Variants in TRPC1 observed in about 807,000 individuals in gnomAD.
TRPC1 encodes the protein transient receptor potential cation channel subfamily C member 1.
In TRPC1, 42 loss-of-function variants were observed where a neutral mutation model predicts 88.2. That is an observed-to-expected ratio of 0.48 (90% CI 0.37 to 0.62). The LOEUF (loss-of-function observed/expected upper bound fraction) is 0.62. Among genes scored for constraint, TRPC1 ranks in the 20% least tolerant of loss-of-function variants. The pLI is 0.00. For synonymous variants in TRPC1, 288 were observed against 331.8 expected, an observed-to-expected ratio of 0.87 and a Z score of 1.43; for missense variants, 699 against 957.3, an observed-to-expected ratio of 0.73 and a Z score of 3.56.
rs1294277593 is a variant in TRPC1 at position 142,805,914 on chromosome 3, A to AAAG, written c.2155-92_2155-90dup. On this transcript the variant is annotated intron_variant, in intron 12 of 12. Transcript: ENST00000476941. ...AAAACTATAGTCTAATAAAGCATTT[A>AAAG]AAGATGTGTTTGTGTCTGTGAATAT... 3.3e-5 allele frequency: 36 copies of AAAG among 1,089,016 alleles called. No homozygotes were observed. In the African/African-American group the frequency reaches 4.7e-4, roughly 14 times the overall value. The allele number at this position is 1,089,016 out of a possible 1,614,324, so 67.5% of individuals were successfully genotyped here.
At chr3:142,788,188 A>T (rs112157587) in intron 7 of TRPC1, among the ~76,000 whole-genome samples, 1 of 152,158 alleles carries the variant, frequency 6.6e-6, no homozygotes, top group Non-Finnish European at 1.5e-5. Flanking sequence ...AGATCATTCT[A>T]TCTACAGGGT....
Position 142,806,459 on chromosome 3 carries a change from A to G in TRPC1, c.*224A>G, listed in dbSNP as rs1421305522. 3.0e-6 allele frequency: 1 copy of G among 332,998 alleles called. No homozygotes were observed. Among genetic ancestry groups the G allele is most frequent in the East Asian group, 5.1e-5 (1 of 19,648 alleles). The allele number at this position is 332,998 out of a possible 1,614,324, so 20.6% of individuals were successfully genotyped here. On this transcript the variant is annotated 3_prime_UTR_variant, in exon 13 of 13. Transcript: ENST00000476941. ...CTTTTTGCAGAAGCAAAACAGATTA[A>G]GTAGATAGATTTTGTTAGCATGCTG...
chr3:142,777,404 A>T (rs1241252807), intron 4 of TRPC1, among the ~76,000 whole-genome samples: 2 of 152,226 alleles, frequency 1.3e-5, no homozygotes, highest in Non-Finnish European at 2.9e-5. Flanking sequence ...GAAAAGAGAC[A>T]GTAAAAAAAT....
chr3:142,768,530 A>G (rs1158349241), intron 4 of TRPC1, among the ~76,000 whole-genome samples: 3 of 151,952 alleles, frequency 2.0e-5, no homozygotes, highest in South Asian at 2.1e-4. Context: ...CTTTTTATCT[A>G]CTTTGACAGT....
chr3:142,758,707 T>C (rs1016773212), intron 4 of TRPC1, among the ~76,000 whole-genome samples: 1 of 152,126 alleles, frequency 6.6e-6, no homozygotes, highest in Non-Finnish European at 1.5e-5. Context: ...CTTTAAGTTC[T>C]AGGGTACATG....
chr3:142,743,337 T>C (rs1934423486), intron 2 of TRPC1, 148 bp from the exon 3 acceptor site: 2 of 558,730 alleles, frequency 3.6e-6, no homozygotes, highest in Non-Finnish European at 6.1e-6. Flanking sequence ...AAATGTACTA[T>C]TTGTACAGTC....
chr3:142,803,209 A>C (rs1936678638), intron 10 of TRPC1, among the ~76,000 whole-genome samples: 1 of 152,204 alleles, frequency 6.6e-6, no homozygotes, highest in African/African-American at 2.4e-5. Flanking sequence ...CTAAGGAGCT[A>C]GGGAGTGCCC....
intron 4 of TRPC1, among the ~76,000 whole-genome samples, chr3:142,765,074 T>C (rs1400504739): frequency 6.6e-6 from 1 of 151,844 alleles, no homozygotes; most frequent in Non-Finnish European, 1.5e-5. Context: ...TTACAATAGC[T>C]GCAAAAAGAA....
In TRPC1 at chr3:142,804,607, G is replaced by C; in HGVS notation, c.2131G>C (p.Val711Leu). ...WICSHTSKGK[V>L]KRQNSLKEWR... is the part of the protein sequence containing the mutation. ...TTGCTCTCATACATCAAAAGGCAAG[G>C]TCAAACGGCAAAACAGTTTAAAGGT... The change falls in exon 12 of 13, where the codon GTC becomes CTC. Residue 711 changes from valine (V) to leucine (L), a missense_variant. By Grantham distance (32) the Val-to-Leu change is conservative. Transcript: ENST00000476941. 6.2e-7 allele frequency: 1 copy of C among 1,604,422 alleles called. No homozygotes were observed. Among genetic ancestry groups the C allele is most frequent in the Non-Finnish European group, 8.5e-7 (1 of 1,176,456 alleles).
chr3:142,763,248 A>G (rs1251421988), intron 4 of TRPC1, among the ~76,000 whole-genome samples: 1 of 152,060 alleles, frequency 6.6e-6, no homozygotes, highest in African/African-American at 2.4e-5. Context: ...TGATTTGTCT[A>G]TTACTAGAGT....
chr3:142,755,619 A>T (rs1336291561), intron 4 of TRPC1, among the ~76,000 whole-genome samples: 2 of 152,016 alleles, frequency 1.3e-5, no homozygotes, highest in Admixed American at 6.6e-5. Flanking sequence ...TTCTTTTTAT[A>T]GTTGCCCACA....
At chr3:142,744,900 G>A (rs1934488063) in intron 3 of TRPC1, among the ~76,000 whole-genome samples, 1 of 152,108 alleles carries the variant, frequency 6.6e-6, no homozygotes, top group African/African-American at 2.4e-5. Context: ...ATAACTGCTG[G>A]CAATATAGGC....
chr3:142,774,959 C>T (rs896868493), intron 4 of TRPC1, among the ~76,000 whole-genome samples: 3 of 152,088 alleles, frequency 2.0e-5, no homozygotes, highest in African/African-American at 7.2e-5. Flanking sequence ...CTTACTATAT[C>T]TTGAGACATG....
chr3:142,748,183 A>G, intron 3 of TRPC1, 75 bp from the exon 4 acceptor site: 1 of 1,296,588 alleles, frequency 7.7e-7, no homozygotes, highest in Non-Finnish European at 1.1e-6. Flanking sequence ...CTATTTTTTC[A>G]TTTCATTCTT....
chr3:142,800,018 T>C (rs547304433), intron 9 of TRPC1, among the ~76,000 whole-genome samples: 175 of 152,290 alleles, frequency 1.1e-3, no homozygotes, highest in Non-Finnish European at 2.0e-3. Flanking sequence ...GTCCAGACTT[T>C]CCTCAAGGTG....
At chr3:142,748,587 C>A in intron 4 of TRPC1, 127 bp downstream of exon 4, 2 of 865,444 alleles carry the variant, frequency 2.3e-6, no homozygotes, top group Non-Finnish European at 3.6e-6. Flanking sequence ...GAAAGCCAAA[C>A]TTGTAGCTCC....
chr3:142,788,095 A>G (rs1936185866), intron 7 of TRPC1, among the ~76,000 whole-genome samples: 1 of 152,198 alleles, frequency 6.6e-6, no homozygotes, highest in African/African-American at 2.4e-5. Context: ...AGGTTAAGTA[A>G]TTTTGACTTT....
intron 1 of TRPC1, among the ~76,000 whole-genome samples, chr3:142,733,650 T>C (rs930626032): frequency 6.6e-6 from 1 of 152,254 alleles, no homozygotes; most frequent in African/African-American, 2.4e-5. Flanking sequence ...TAAAATGTCA[T>C]AAGGATTTAT....
intron 9 of TRPC1, among the ~76,000 whole-genome samples, chr3:142,794,721 T>C (rs1294656465): frequency 5.9e-5 from 9 of 152,104 alleles, no homozygotes; most frequent in Non-Finnish European, 8.8e-5. Flanking sequence ...GTGAGGACAC[T>C]ACCTCGGGCA....
Sources: allele counts gnomAD v4.1 joint callset (sites outside exome capture counted in the v4.1 genomes callset), GRCh38; gene constraint gnomAD v4.1.1; transcripts MANE v1.5; gene names NCBI Gene and HGNC (gene_info 2026-07-23, HGNC 2026-07-21).